The following AKAP9 variants were observed in gnomAD, a reference collection of about 807,000 sequenced individuals.
The protein encoded by AKAP9 is A-kinase anchor protein 9.
A neutral mutation model predicts 488.5 loss-of-function variants in AKAP9; 311 were observed. The observed-to-expected ratio is 0.64, with a 90% CI of 0.58 to 0.70. AKAP9 has a LOEUF of 0.70. Among genes scored for constraint, AKAP9 ranks in the 30% least tolerant of loss-of-function variants. The pLI is 0.00. For missense variants in AKAP9, 4,215 were observed against 4,374.5 expected, an observed-to-expected ratio of 0.96 and a Z score of 1.03; for synonymous variants, 1,462 against 1,483.5, an observed-to-expected ratio of 0.99 and a Z score of 0.33.
At position 92,082,677 on chromosome 7, in the gene AKAP9, A is replaced by G. The variant is rs771197549; in HGVS notation, c.8160+15A>G. The G allele has an allele frequency of 6.2e-6, 10 of 1,613,526 alleles. No homozygotes were observed. The East Asian group carries it at 1.8e-4, about 29-fold the overall frequency. On this transcript the variant is annotated intron_variant, in intron 32 of 49. Transcript: ENST00000356239. ...AAGAGCTTTTGGTAAGATAAGTAAC[A>G]TAGCTCCTAATTCACTCATTTCTAC...
intron 1 of AKAP9, among the ~76,000 whole-genome samples, chr7:91,963,482 T>TCTCA (rs375244495): frequency 0.068 from 9,484 of 139,162 alleles, 334 homozygotes; most frequent in African/African-American, 0.088. Context: ...AACATATTTG[T>TCTCA]CACACACACA....
intron 3 of AKAP9, among the ~76,000 whole-genome samples, chr7:91,991,439 T>C (rs1490777944): frequency 1.3e-5 from 2 of 151,480 alleles, no homozygotes; most frequent in Admixed American, 1.3e-4. Flanking sequence ...TCAGCCTCCC[T>C]TGTAGCTGGA....
chr7:92,052,576 T>C, intron 21 of AKAP9, 150 bp from the exon 22 acceptor site: 1 of 575,284 alleles, frequency 1.7e-6, no homozygotes. Flanking sequence ...TTATATCCTA[T>C]ATTTGCATAT....
intron 8 of AKAP9, among the ~76,000 whole-genome samples, chr7:92,011,638 G>T (rs1198692872): frequency 6.6e-6 from 1 of 152,218 alleles, no homozygotes; most frequent in Non-Finnish European, 1.5e-5. Context: ...ATGGTTTGAT[G>T]CTAGGATGGA....
chr7:92,081,335 G>A (rs1054505250), intron 31 of AKAP9, among the ~76,000 whole-genome samples: 1 of 149,512 alleles, frequency 6.7e-6, no homozygotes, highest in Non-Finnish European at 1.5e-5. Context: ...ACAGAGTCTC[G>A]CTCTGTCGCC....
At chr7:91,991,751 G>A (rs1182580642) in intron 3 of AKAP9, among the ~76,000 whole-genome samples, 5 of 152,066 alleles carry the variant, frequency 3.3e-5, no homozygotes, top group African/African-American at 7.2e-5. Context: ...GATTACAGGC[G>A]TGAGCCACCA....
At chr7:91,964,637 T>G (rs1012696816) in intron 1 of AKAP9, among the ~76,000 whole-genome samples, 1 of 152,156 alleles carries the variant, frequency 6.6e-6, no homozygotes, top group Admixed American at 6.6e-5. Flanking sequence ...TAGATAGTAT[T>G]GTAAGAAAGT....
At chr7:91,998,630 C>T (rs1798729158) in intron 7 of AKAP9, among the ~76,000 whole-genome samples, 1 of 151,546 alleles carries the variant, frequency 6.6e-6, no homozygotes, top group Non-Finnish European at 1.5e-5. Context: ...TTTATGAAGG[C>T]CCCACTCCCC....
chr7:92,066,688 A>T (rs2130833417), intron 26 of AKAP9, 142 bp downstream of exon 26: 2 of 1,070,776 alleles, frequency 1.9e-6, no homozygotes, highest in East Asian at 5.1e-5. Flanking sequence ...TTACTTAAGC[A>T]TGAGAAGGTA....
rs772451990 is a variant in AKAP9, at chr7:92,086,363, A to G, written c.9160A>G (p.Thr3054Ala). 6.2e-7 allele frequency: 1 copy of G among 1,614,018 alleles called. No homozygotes were observed. The change falls in exon 37 of 50, where the codon ACT becomes GCT. Residue 3054 changes from threonine to alanine, a missense_variant. Coordinates refer to ENST00000356239, the MANE Select transcript of AKAP9 (RefSeq NM_005751.5). ...TCGGACGGAGCTGACAGCTCTAGGT[A>G]CTACAGATGCAGTTGGTTTACTAAA... ...AFRTELTALG[T>A]TDAVGLLNCL...
chr7:92,004,525 C>T (rs182331731), intron 8 of AKAP9, among the ~76,000 whole-genome samples: 125 of 152,222 alleles, frequency 8.2e-4, no homozygotes, highest in African/African-American at 2.7e-3. Context: ...CTTGAAGAGG[C>T]CCTTCATATC....
At chr7:92,023,866 A>T (rs1423535221) in intron 14 of AKAP9, among the ~76,000 whole-genome samples, 1 of 151,832 alleles carries the variant, frequency 6.6e-6, no homozygotes, top group Non-Finnish European at 1.5e-5. Context: ...TGCTTTAGGG[A>T]CTTCTCATTG....
chr7:92,021,439 T>C (rs1431801901), intron 12 of AKAP9, among the ~76,000 whole-genome samples: 3 of 152,174 alleles, frequency 2.0e-5, no homozygotes, highest in Non-Finnish European at 4.4e-5. Context: ...ATGTATTTAT[T>C]TATTTACTTA....
At position 91,996,354 on chromosome 7, in the gene AKAP9, T is replaced by C. The variant is rs373270845; in HGVS notation, c.930+554T>C. On this transcript the variant is annotated intron_variant, in intron 7 of 49. Coordinates refer to ENST00000356239, the MANE Select transcript of AKAP9 (RefSeq NM_005751.5). ...TAATCTTAAATCATAAAACTACTCA[T>C]CCTGGAAGATTCTTTTTCTTTATTT... is the stretch of plus-strand genomic sequence containing the variant. 2.6e-5 allele frequency among the ~76,000 whole-genome samples: 4 copies of C among 152,246 alleles called. 1 individual carries two copies.
chr7:91,976,620 A>G (rs1290144048), intron 2 of AKAP9, among the ~76,000 whole-genome samples: 2 of 152,216 alleles, frequency 1.3e-5, no homozygotes, highest in African/African-American at 4.8e-5. Context: ...GTTACAGCAC[A>G]CATTTTACAT....
intron 24 of AKAP9, 48 bp from the exon 25 acceptor site, chr7:92,065,183 A>T: frequency 7.9e-7 from 1 of 1,268,346 alleles, no homozygotes; most frequent in Non-Finnish European, 1.1e-6. Context: ...CATTATCATA[A>T]GATCATTAAT....
In AKAP9 at chr7:91,973,929, T is replaced by G; in HGVS notation, c.267T>G (p.Ser89Arg). The change falls in exon 2 of 50, where the codon AGT (serine) becomes AGG (arginine). Residue 89 changes from serine to arginine, a missense_variant. By Grantham distance (110) the Ser-to-Arg change is moderately radical. This residue lies in a region of AKAP9 where 2,361 missense variants were observed against 2,430.0 expected (regional missense o/e 0.97). Transcript: ENST00000356239. ...PESTIMRTLH[S>R]GEITSHEQGF... ...CTACAATAATGAGAACTCTACATAG[T>G]GGAGAAATAACCAGTCATGAGCAGG... The G allele has an allele frequency of 1.9e-6, 3 of 1,614,070 alleles. No individual in the cohort carries two copies. The highest frequency in any genetic ancestry group is 2.5e-6 in the Non-Finnish European group (3 of 1,179,972).
chr7:91,952,255 A>G (rs1485237744), intron 1 of AKAP9, among the ~76,000 whole-genome samples: 2 of 152,238 alleles, frequency 1.3e-5, no homozygotes, highest in East Asian at 1.9e-4. Context: ...AGAGTGATCT[A>G]CAGGGAGCTA....
intron 11 of AKAP9, 40 bp downstream of exon 11, chr7:92,016,307 C>T (rs775369579): frequency 2.2e-6 from 3 of 1,341,148 alleles, no homozygotes; most frequent in Non-Finnish European, 3.1e-6. Context: ...GTATTTAATC[C>T]TCTTAAATTA....
Sources: gnomAD v4.1 joint callset for allele counts (sites outside exome capture counted in the v4.1 genomes callset) on GRCh38, gnomAD v4.1.1 for gene constraint, gnomAD v4.1.1 regional missense constraint, MANE v1.5 for transcripts, NCBI Gene and HGNC (gene_info 2026-07-23, HGNC 2026-07-21) for gene names.